CTNNA3: variants seen among roughly 807,000 people sequenced by gnomAD.
The protein encoded by CTNNA3 is catenin alpha 3, also known as catenin alpha-3.
Under a neutral mutation model 95.7 loss-of-function variants are expected in CTNNA3, and 76 were observed. That is an observed-to-expected ratio of 0.79 (90% confidence interval 0.66 to 0.96). The LOEUF (loss-of-function observed/expected upper bound fraction) is 0.96. Ranked by LOEUF, CTNNA3 falls within the 40% of genes least tolerant of loss-of-function variation. CTNNA3 has a pLI of 0.00. For synonymous variants in CTNNA3, 431 were observed against 374.4 expected (o/e 1.15, Z -1.74); for missense variants, 1,191 against 1,089.8 (o/e 1.09, Z -1.31).
chr10:66,890,502 G>A (rs764671002), intron 7 of CTNNA3, among the ~76,000 whole-genome samples: 1 of 152,132 alleles, frequency 6.6e-6, no homozygotes, highest in Admixed American at 6.6e-5. Flanking sequence ...ATTGATACTG[G>A]TGAGAGATGG....
At chr10:67,142,231 A>G (rs1345220246) in intron 7 of CTNNA3, among the ~76,000 whole-genome samples, 1 of 152,190 alleles carries the variant, frequency 6.6e-6, no homozygotes, top group Non-Finnish European at 1.5e-5. Flanking sequence ...CCTTTCTCAG[A>G]TAACTGCTTA....
chr10:66,768,168 T>G (rs546029700), intron 8 of CTNNA3, among the ~76,000 whole-genome samples: 1 of 152,294 alleles, frequency 6.6e-6, no homozygotes, highest in East Asian at 1.9e-4. Context: ...GTGGGGGCAT[T>G]TTTTAATGAT....
intron 5 of CTNNA3, among the ~76,000 whole-genome samples, chr10:67,258,641 G>A (rs1440774607): frequency 1.3e-5 from 2 of 152,086 alleles, no homozygotes; most frequent in Non-Finnish European, 2.9e-5. Context: ...ACCCTTAAGT[G>A]ATGTCTGCTT....
intron 2 of CTNNA3, among the ~76,000 whole-genome samples, chr10:67,637,070 T>C (rs182090493): frequency 5.9e-5 from 9 of 152,272 alleles, no homozygotes; most frequent in Admixed American, 5.2e-4. Flanking sequence ...TTCTCCGAGC[T>C]AAAGGAGGAA....
chr10:67,564,677 G>GTGTGTGTGTGTATA (rs1488656262), intron 3 of CTNNA3, among the ~76,000 whole-genome samples: 6 of 61,310 alleles, frequency 9.8e-5, no homozygotes, highest in African/African-American at 3.8e-4. Context: ...GTGTGTGTGT[G>GTGTGTGTGTGTATA]TATATATATA....
At chr10:67,488,360 G>A (rs1848526186) in intron 5 of CTNNA3, among the ~76,000 whole-genome samples, 1 of 152,118 alleles carries the variant, frequency 6.6e-6, no homozygotes, top group Non-Finnish European at 1.5e-5. Flanking sequence ...GAGATCCCTT[G>A]CATCAGCTGA....
At position 65,969,378 on chromosome 10, in the gene CTNNA3, G is replaced by A. The variant is rs529567786; in HGVS notation, c.2266-2632C>T. Among the ~76,000 whole-genome samples, 3 of 152,238 alleles carry A rather than the reference G, an allele frequency of 2.0e-5. No individual in the cohort carries two copies. In the South Asian group the frequency reaches 6.2e-4, roughly 32 times the overall value. Reference sequence around the variant, plus strand: ...TTCTAGCACCATGAAAATTCAAAATGTAGTGATACCATCAACATACCATAC... The same window carrying A: ...TTCTAGCACCATGAAAATTCAAAATATAGTGATACCATCAACATACCATAC... On this transcript the variant is annotated intron_variant, in intron 16 of 17. Coordinates refer to ENST00000433211, the MANE Select transcript of CTNNA3 (RefSeq NM_013266.4).
chr10:67,577,712 G>GTATGTGTATATATATACACACATA, intron 3 of CTNNA3, among the ~76,000 whole-genome samples: 11 of 151,728 alleles, frequency 7.2e-5, no homozygotes, highest in African/African-American at 2.4e-4. Flanking sequence ...ATGTGTGTGT[G>GTATGTGTATATATATACACACATA]TGTGTGTGTG....
intron 7 of CTNNA3, among the ~76,000 whole-genome samples, chr10:67,072,290 C>T (rs1329388087): frequency 6.6e-6 from 1 of 152,094 alleles, no homozygotes; most frequent in East Asian, 1.9e-4. Context: ...CTTCTCCAAT[C>T]GAATTTTCTT....
intron 10 of CTNNA3, among the ~76,000 whole-genome samples, chr10:66,586,115 G>C (rs1019065011): frequency 1.3e-5 from 2 of 152,008 alleles, no homozygotes; most frequent in African/African-American, 4.8e-5. Flanking sequence ...GTGTGAGTAG[G>C]TTCACTGTCT....
intron 7 of CTNNA3, among the ~76,000 whole-genome samples, chr10:66,819,273 A>T (rs1842213206): frequency 6.6e-6 from 1 of 152,118 alleles, no homozygotes; most frequent in African/African-American, 2.4e-5. Flanking sequence ...GGTCTGGGAC[A>T]ACTGGATATC....
chr10:67,713,169 A>G (rs1358460896), intron 1 of CTNNA3, among the ~76,000 whole-genome samples: 2 of 152,276 alleles, frequency 1.3e-5, no homozygotes, highest in African/African-American at 4.8e-5. Context: ...TGCAGCCAAC[A>G]AACAAATGAA....
intron 11 of CTNNA3, among the ~76,000 whole-genome samples, chr10:66,511,281 T>C (rs1355915345): frequency 6.6e-6 from 1 of 151,836 alleles, no homozygotes; most frequent in Non-Finnish European, 1.5e-5. Context: ...TTTCTTAATC[T>C]ATATAATAGT....
intron 9 of CTNNA3, among the ~76,000 whole-genome samples, chr10:66,736,444 C>T (rs1473626113): frequency 2.0e-5 from 3 of 151,896 alleles, no homozygotes; most frequent in East Asian, 3.9e-4. Context: ...CTGCCTGCCT[C>T]GGCCTCCCAA....
At chr10:67,096,509 CT>C (rs1473272523) in intron 7 of CTNNA3, among the ~76,000 whole-genome samples, 11 of 151,872 alleles carry the variant, frequency 7.2e-5, no homozygotes, top group Admixed American at 2.0e-4. Context: ...ATGGCAGAAG[CT>C]TTTATCCTCC....
intron 4 of CTNNA3, among the ~76,000 whole-genome samples, chr10:67,533,936 T>C (rs1268961061): frequency 1.3e-5 from 2 of 150,866 alleles, no homozygotes; most frequent in Non-Finnish European, 2.9e-5. Context: ...AGAAAAGTCA[T>C]AAGAAGGAAA....
intron 1 of CTNNA3, among the ~76,000 whole-genome samples, chr10:67,761,711 T>A (rs1841462388): frequency 6.6e-6 from 1 of 151,950 alleles, no homozygotes. Flanking sequence ...ACCCCATCTC[T>A]ACCAAAAATA....
chr10:66,331,081 A>G lies in CTNNA3; in HGVS notation c.1732+48071T>C, dbSNP rs1240875263. 2.0e-5 allele frequency among the ~76,000 whole-genome samples: 3 copies of G among 151,998 alleles called. No individual in the cohort carries two copies. In the East Asian group the frequency reaches 5.8e-4, roughly 29 times the overall value. On this transcript the variant is annotated intron_variant, in intron 12 of 17. Transcript: ENST00000433211. ...AAGCTCTTTAGTTTAATTAGATCCC[A>G]TTTGTCAATTTTGCTTTTGTTGCCA...
intron 12 of CTNNA3, among the ~76,000 whole-genome samples, chr10:66,300,734 A>T (rs2091849690): frequency 6.6e-6 from 1 of 152,084 alleles, no homozygotes; most frequent in East Asian, 1.9e-4. Context: ...AGAAAAAAAA[A>T]ATTAAAGTCT....
Sources: allele counts gnomAD v4.1 joint callset (sites outside exome capture counted in the v4.1 genomes callset), GRCh38; gene constraint gnomAD v4.1.1; transcripts MANE v1.5; gene names NCBI Gene and HGNC (gene_info 2026-07-23, HGNC 2026-07-21).